Variants in ASCC3 observed in about 807,000 individuals in gnomAD.
The protein encoded by ASCC3 is ASC-1 complex subunit P200.
Under a neutral mutation model 256.3 loss-of-function variants are expected in ASCC3, and 158 were observed. That is an observed-to-expected ratio of 0.62 (90% confidence interval 0.54 to 0.70). The LOEUF is 0.70. Among genes scored for constraint, ASCC3 ranks in the 30% least tolerant of loss-of-function variants. The probability of loss-of-function intolerance (pLI) is 0.00; values close to 1 mark genes in which losing one functional copy is unlikely to be tolerated. For missense variants in ASCC3, 2,259 were observed against 2,626.0 expected (o/e 0.86, Z 3.05); for synonymous variants, 948 against 883.4 (o/e 1.07, Z -1.30).
intron 3 of ASCC3, among the ~76,000 whole-genome samples, chr6:100,850,291 G>A (rs190041855): frequency 3.2e-4 from 48 of 151,952 alleles, no homozygotes; most frequent in Non-Finnish European, 4.9e-4. Context: ...CAAAAACCAC[G>A]TTCTACCCCA....
chr6:100,669,194 T>A (rs1384145369), intron 14 of ASCC3, among the ~76,000 whole-genome samples: 8 of 150,010 alleles, frequency 5.3e-5, no homozygotes, highest in Non-Finnish European at 1.0e-4. Flanking sequence ...TTATGTAAAA[T>A]ATTTTTTATA....
At chr6:100,590,657 C>G (rs1014556312) in intron 34 of ASCC3, among the ~76,000 whole-genome samples, 7 of 152,044 alleles carry the variant, frequency 4.6e-5, no homozygotes, top group African/African-American at 1.4e-4. Context: ...GTTCTCATCC[C>G]TAAGACCCCA....
chr6:100,527,001 T>A (rs1383801906), intron 37 of ASCC3, among the ~76,000 whole-genome samples: 1 of 152,172 alleles, frequency 6.6e-6, no homozygotes, highest in African/African-American at 2.4e-5. Context: ...AAAATCTCTT[T>A]TTCCAGTCTT....
intron 30 of ASCC3, among the ~76,000 whole-genome samples, chr6:100,609,004 C>T (rs1006028461): frequency 1.3e-5 from 2 of 150,252 alleles, no homozygotes; most frequent in Admixed American, 1.3e-4. Flanking sequence ...CCTCGTGATC[C>T]GCCCGTCTCG....
At chr6:100,832,067 A>C (rs904185143) in intron 4 of ASCC3, among the ~76,000 whole-genome samples, 1 of 152,170 alleles carries the variant, frequency 6.6e-6, no homozygotes, top group Non-Finnish European at 1.5e-5. Context: ...GAAGATATAG[A>C]GTGAGAGGTT....
rs240780 is a variant in ASCC3, at chr6:100,516,271, G to C, written c.5984C>G (p.Ser1995Cys). The change falls in exon 39 of 42, where the codon TCC becomes TGC. Residue 1995 changes from serine (S) to cysteine (C), a missense_variant. Ser to Cys is a moderately radical substitution (Grantham distance 112). Around this residue, in one of 2 missense-constraint regions of ASCC3, gnomAD observed 1,839 missense variants for 2,206.7 expected, o/e 0.83. Coordinates refer to ENST00000369162, the MANE Select transcript of ASCC3 (RefSeq NM_006828.4). ...ACAGGCATGGATCAGTTCAGGAAGG[G>C]ACTCGATGGAGGTCCGACCCCTAGC... ...PHARGRTSIE[S>C]LPELIHACGG... is the part of the protein sequence containing the mutation. 0.61 allele frequency: 985,001 copies of C among 1,613,302 alleles called. 307,028 individuals are homozygous for C. The highest frequency in any genetic ancestry group is 0.89 in the African/African-American group (66,834 of 74,956).
chr6:100,852,890 A>G (rs1048887238), intron 3 of ASCC3, among the ~76,000 whole-genome samples: 3 of 152,124 alleles, frequency 2.0e-5, no homozygotes, highest in African/African-American at 7.2e-5. Context: ...AGGTCCCTAC[A>G]ATACTTTTAT....
intron 3 of ASCC3, among the ~76,000 whole-genome samples, chr6:100,853,233 T>G (rs1368773682): frequency 6.6e-6 from 1 of 152,162 alleles, no homozygotes; most frequent in Non-Finnish European, 1.5e-5. Flanking sequence ...TCAATCATCC[T>G]CAACACACAA....
intron 30 of ASCC3, among the ~76,000 whole-genome samples, chr6:100,624,404 C>A (rs1384282890): frequency 1.3e-5 from 2 of 150,992 alleles, no homozygotes; most frequent in Admixed American, 1.3e-4. Flanking sequence ...AATGTTCAAC[C>A]AATCAAAAAT....
rs1463153891 is a variant in ASCC3 at position 100,508,338 on chromosome 6, CTG to C, written c.*1046_*1047del. 3 of 152,084 alleles carry C rather than the reference CTG, an allele frequency of 2.0e-5. No individual in the cohort carries two copies. Among genetic ancestry groups the C allele is most frequent in the African/African-American group, 7.2e-5 (3 of 41,402 alleles). The allele number at this position is 152,084 out of a possible 1,614,324, so 9.4% of individuals were successfully genotyped here. ...ATAATTCATTTTAGGGCTAAGAAAA[CTG>C]AAATTATTTCACAAAGGTAGAATTT... On this transcript the variant is annotated 3_prime_UTR_variant, in exon 42 of 42. Coordinates refer to ENST00000369162, the MANE Select transcript of ASCC3 (RefSeq NM_006828.4).
At chr6:100,524,943 G>A (rs1041796050) in intron 37 of ASCC3, among the ~76,000 whole-genome samples, 4 of 151,764 alleles carry the variant, frequency 2.6e-5, no homozygotes, top group Non-Finnish European at 4.4e-5. Context: ...TGTAATCCCA[G>A]CACTTTGGGA....
At chr6:100,682,206 GT>G (rs931786326) in intron 13 of ASCC3, among the ~76,000 whole-genome samples, 1 of 145,326 alleles carries the variant, frequency 6.9e-6, no homozygotes, top group Non-Finnish European at 1.5e-5. Context: ...TTAAAATGAA[GT>G]TTTTTGTAAT....
chr6:100,815,303 AT>A (rs1770686364), intron 4 of ASCC3, among the ~76,000 whole-genome samples: 1 of 152,162 alleles, frequency 6.6e-6, no homozygotes, highest in South Asian at 2.1e-4. Context: ...ATGCTCATGG[AT>A]TGGAAGAATC....
intron 8 of ASCC3, among the ~76,000 whole-genome samples, chr6:100,793,253 A>T (rs1057319259): frequency 6.6e-6 from 1 of 152,046 alleles, no homozygotes; most frequent in African/African-American, 2.4e-5. Context: ...ACTTTGTTCA[A>T]CATATTTTGA....
rs1457961817 is a variant in ASCC3, at chr6:100,601,792, A to G, written c.5303+18T>C. Reference sequence around the variant, plus strand: ...TTCGGGGCAAAACAGAAAGGTATATAACTGCCCTTGCACTTACCTGGGATT... The same window carrying G: ...TTCGGGGCAAAACAGAAAGGTATATGACTGCCCTTGCACTTACCTGGGATT... On this transcript the variant is annotated intron_variant, in intron 34 of 41. Coordinates refer to ENST00000369162, the MANE Select transcript of ASCC3 (RefSeq NM_006828.4). The G allele has an allele frequency of 1.2e-6, 2 of 1,611,282 alleles. No individual in the cohort carries two copies. The highest frequency in any genetic ancestry group is 3.3e-5 in the Admixed American group (2 of 59,928).
intron 36 of ASCC3, among the ~76,000 whole-genome samples, chr6:100,584,835 A>T (rs928603108): frequency 6.6e-6 from 1 of 151,762 alleles, no homozygotes; most frequent in Non-Finnish European, 1.5e-5. Flanking sequence ...TTTCTCCTTC[A>T]GTTATGAAGC....
At chr6:100,741,709 G>A (rs891886110) in intron 10 of ASCC3, among the ~76,000 whole-genome samples, 4 of 152,186 alleles carry the variant, frequency 2.6e-5, no homozygotes, top group East Asian at 1.9e-4. Flanking sequence ...TGAAGTTCTC[G>A]TAGTGTTATT....
chr6:100,723,792 G>C (rs1779456617), intron 11 of ASCC3, among the ~76,000 whole-genome samples: 1 of 147,244 alleles, frequency 6.8e-6, no homozygotes, highest in Non-Finnish European at 1.5e-5. Context: ...ATGGGCAAAA[G>C]ATGTTTATGG....
intron 6 of ASCC3, 70 bp from the exon 7 acceptor site, chr6:100,799,642 C>T (rs2114341227): frequency 1.3e-6 from 2 of 1,491,806 alleles, no homozygotes; most frequent in South Asian, 1.2e-5. Context: ...CAAAACAAGG[C>T]AATTATAAAA....
Sources: gnomAD v4.1 joint callset for allele counts (sites outside exome capture counted in the v4.1 genomes callset) on GRCh38, gnomAD v4.1.1 for gene constraint, gnomAD v4.1.1 regional missense constraint, MANE v1.5 for transcripts, NCBI Gene and HGNC (gene_info 2026-07-23, HGNC 2026-07-21) for gene names.